The following ATP9B variants were observed in gnomAD, a reference collection of about 807,000 sequenced individuals.
ATP9B encodes ATPase phospholipid transporting 9B.
ATP9B carries 110 observed loss-of-function variants against 146.1 expected under a neutral mutation model. The observed-to-expected ratio is 0.75, with a 90% CI of 0.65 to 0.88. The LOEUF is 0.88. Ranked by LOEUF, ATP9B falls within the 40% of genes least tolerant of loss-of-function variation. The pLI, the probability that ATP9B is intolerant of heterozygous loss-of-function variation, is 0.00. For missense variants in ATP9B, 1,499 were observed against 1,496.4 expected, an observed-to-expected ratio of 1.00 and a Z score of -0.03; for synonymous variants, 604 against 569.7, an observed-to-expected ratio of 1.06 and a Z score of -0.86.
At chr18:79,133,606 C>A (rs1420699920) in intron 5 of ATP9B, among the ~76,000 whole-genome samples, 3 of 152,104 alleles carry the variant, frequency 2.0e-5, no homozygotes, top group Non-Finnish European at 4.4e-5. Flanking sequence ...AACATACATA[C>A]ACACACACTC....
chr18:79,297,739 C>G (rs1490537694), intron 13 of ATP9B, among the ~76,000 whole-genome samples: 2 of 148,426 alleles, frequency 1.3e-5, no homozygotes, highest in African/African-American at 2.5e-5. Context: ...AAAACAGCTA[C>G]TCAGGGACTT....
chr18:79,199,966 C>A (rs1368342229), intron 9 of ATP9B, among the ~76,000 whole-genome samples: 3 of 152,086 alleles, frequency 2.0e-5, no homozygotes, highest in Non-Finnish European at 4.4e-5. Flanking sequence ...GGCTGTTTTA[C>A]AATTAAGTTT....
intron 11 of ATP9B, among the ~76,000 whole-genome samples, chr18:79,217,061 G>A (rs1003229310): frequency 2.6e-5 from 4 of 152,348 alleles, no homozygotes; most frequent in Admixed American, 6.5e-5. Flanking sequence ...GTGCGTTCCC[G>A]ACTGTAGAGC....
chr18:79,226,531 T>G (rs1332068396), intron 11 of ATP9B, among the ~76,000 whole-genome samples: 1 of 152,212 alleles, frequency 6.6e-6, no homozygotes, highest in Non-Finnish European at 1.5e-5. Context: ...GGGTCCCTGC[T>G]CAGTGAACAC....
chr18:79,337,238 C>T (rs371923153), intron 18 of ATP9B, 41 bp from the exon 19 acceptor site: 13 of 1,603,982 alleles, frequency 8.1e-6, no homozygotes, highest in South Asian at 1.1e-5. Flanking sequence ...ACACACAGCA[C>T]GTACACGTGT....
chr18:79,229,308 G>A (rs1307250028), intron 11 of ATP9B, among the ~76,000 whole-genome samples: 3 of 152,164 alleles, frequency 2.0e-5, no homozygotes, highest in African/African-American at 7.2e-5. Context: ...AGCAGCTTGT[G>A]TATGATACAA....
At chr18:79,376,111 A>G in intron 29 of ATP9B, 6 of 983,736 alleles carry the variant, frequency 6.1e-6, no homozygotes, top group Non-Finnish European at 7.2e-6. Flanking sequence ...TGTGTTGCAG[A>G]TGGAACTGCC....
At chr18:79,319,384 G>A (rs1047898009) in intron 15 of ATP9B, among the ~76,000 whole-genome samples, 1 of 151,878 alleles carries the variant, frequency 6.6e-6, no homozygotes, top group Non-Finnish European at 1.5e-5. Context: ...CCTGGCTAAT[G>A]TGAGTGAATA....
Position 79,107,195 on chromosome 18 carries a change from G to T in ATP9B, c.294-3160G>T, listed in dbSNP as rs116701074. Among the ~76,000 whole-genome samples the T allele has an allele frequency of 4.9e-3, 743 of 152,248 alleles. 5 individuals carry two copies. The highest frequency in any genetic ancestry group is 0.024 in the South Asian group (118 of 4,818). On this transcript the variant is annotated intron_variant, in intron 2 of 29. Coordinates refer to ENST00000426216, the MANE Select transcript of ATP9B (RefSeq NM_198531.5). ...TTGCACCTGTGGCCCAGCTTGCAAT[G>T]TGCTCTGTTGATGCCACTGCTGTCC...
intron 12 of ATP9B, among the ~76,000 whole-genome samples, chr18:79,264,941 CAT>C (rs1460604438): frequency 6.6e-6 from 1 of 152,180 alleles, no homozygotes; most frequent in Non-Finnish European, 1.5e-5. Flanking sequence ...AGTCTATCCT[CAT>C]GTGCAGGTTT....
In ATP9B at chr18:79,183,102, T is replaced by C. The variant is rs2095268694; in HGVS notation, c.873+6195T>C. The stretch of plus-strand genomic sequence containing the variant: ...ATGGTTGGATAATGCTGTATATTAC[T>C]GTTTTTACTAGTAGAATATTTATTC... On this transcript the variant is annotated intron_variant, in intron 8 of 29. Transcript: ENST00000426216. 5.9e-5 allele frequency among the ~76,000 whole-genome samples: 9 copies of C among 152,368 alleles called. No homozygotes were observed. In the South Asian group the frequency reaches 1.9e-3, roughly 32 times the overall value.
chr18:79,092,540 T>C (rs558241681), intron 1 of ATP9B, among the ~76,000 whole-genome samples: 6 of 152,278 alleles, frequency 3.9e-5, no homozygotes, highest in African/African-American at 1.4e-4. Flanking sequence ...TAACGCTTAG[T>C]TTAAAACATG....
At chr18:79,300,884 G>A (rs2096586108) in intron 13 of ATP9B, among the ~76,000 whole-genome samples, 1 of 152,208 alleles carries the variant, frequency 6.6e-6, no homozygotes, top group Admixed American at 6.5e-5. Context: ...GGTTAAAAAA[G>A]TGGCATTAAT....
rs1340971301 is a variant in ATP9B, at chr18:79,202,556, CCCCA to C, written c.955-4380_955-4377del. ...TGAAATGGTAACATTTTGCATCCTCCCCCAAGCAGATTTTATCTGTTCACACTTA... is the reference window on the plus strand; with the variant it reads ...TGAAATGGTAACATTTTGCATCCTCCAGCAGATTTTATCTGTTCACACTTA... On this transcript the variant is annotated intron_variant, in intron 9 of 29. Transcript: ENST00000426216. 2.0e-5 allele frequency among the ~76,000 whole-genome samples: 3 copies of C among 152,246 alleles called. No individual in the cohort carries two copies. In the East Asian group the frequency reaches 5.8e-4, roughly 29 times the overall value.
At chr18:79,305,230 G>T (rs963809340) in intron 14 of ATP9B, among the ~76,000 whole-genome samples, 12 of 152,184 alleles carry the variant, frequency 7.9e-5, no homozygotes, top group Non-Finnish European at 1.8e-4. Flanking sequence ...CCATTGCTGC[G>T]TTTCTACTCT....
At chr18:79,244,157 G>A (rs932810360) in intron 11 of ATP9B, among the ~76,000 whole-genome samples, 10 of 137,856 alleles carry the variant, frequency 7.3e-5, no homozygotes, top group Admixed American at 2.4e-4. Context: ...TCTATTCTCC[G>A]CAGTTTCTTT....
At chr18:79,117,871 T>G (rs1321546368) in intron 4 of ATP9B, 3 of 152,250 alleles carry the variant, frequency 2.0e-5, no homozygotes, top group Admixed American at 6.5e-5. Context: ...ATGTATCTCT[T>G]AATAGTTTTA....
intron 9 of ATP9B, among the ~76,000 whole-genome samples, chr18:79,203,413 C>G (rs2095506539): frequency 1.3e-5 from 2 of 152,204 alleles, no homozygotes; most frequent in African/African-American, 2.4e-5. Context: ...GGAGCAAGTA[C>G]CTGATGCTTC....
chr18:79,095,970 AT>A (rs2074743656), intron 1 of ATP9B, among the ~76,000 whole-genome samples: 2 of 152,188 alleles, frequency 1.3e-5, no homozygotes, highest in Non-Finnish European at 2.9e-5. Flanking sequence ...TTCCCCAAAG[AT>A]ATAAACTGTC....
Sources: allele counts gnomAD v4.1 joint callset (sites outside exome capture counted in the v4.1 genomes callset), GRCh38; gene constraint gnomAD v4.1.1; transcripts MANE v1.5; gene names NCBI Gene and HGNC (gene_info 2026-07-23, HGNC 2026-07-21).